The following TFPI variants were observed in gnomAD, a reference collection of about 807,000 sequenced individuals.
TFPI encodes tissue factor pathway inhibitor.
TFPI carries 15 observed loss-of-function variants against 34.6 expected under a neutral mutation model. The ratio of observed to expected loss-of-function variants is 0.43; its 90% confidence interval spans 0.29 to 0.67. The LOEUF (loss-of-function observed/expected upper bound fraction) is 0.67. Ranked by LOEUF, TFPI falls within the 30% of genes least tolerant of loss-of-function variation. TFPI has a pLI of 0.15. For synonymous variants in TFPI, 105 were observed against 120.1 expected, an observed-to-expected ratio of 0.87 and a Z score of 0.82; for missense variants, 301 against 364.0, an observed-to-expected ratio of 0.83 and a Z score of 1.41.
intron 1 of TFPI, chr2:187,519,216 G>A (rs546021777): frequency 3.3e-5 from 5 of 152,148 alleles, no homozygotes; most frequent in South Asian, 2.1e-4. Context: ...TGGAGGAGAA[G>A]TGTTCTGGTT....
At chr2:187,522,709 C>T (rs1687452883) in intron 1 of TFPI, among the ~76,000 whole-genome samples, 1 of 144,084 alleles carries the variant, frequency 6.9e-6, no homozygotes. Flanking sequence ...TGGTGAAACC[C>T]CGTCTCTACT....
chr2:187,538,964 T>TA (rs1247189721), intron 1 of TFPI, among the ~76,000 whole-genome samples: 7 of 152,170 alleles, frequency 4.6e-5, no homozygotes, highest in Non-Finnish European at 8.8e-5. Context: ...GGGTCTAATA[T>TA]TTAAACATTT....
intron 6 of TFPI, 99 bp from the exon 7 acceptor site, chr2:187,468,031 T>C: frequency 1.0e-6 from 1 of 1,004,002 alleles, no homozygotes; most frequent in Non-Finnish European, 1.4e-6. Context: ...TGCATGTGTA[T>C]GTAAAACAGT....
chr2:187,533,638 A>C (rs1688092471), intron 1 of TFPI, among the ~76,000 whole-genome samples: 2 of 152,236 alleles, frequency 1.3e-5, no homozygotes. Context: ...TGGAAATTCC[A>C]AAAACCAGAA....
At chr2:187,467,270 A>C (rs754479570) in intron 7 of TFPI, among the ~76,000 whole-genome samples, 45 of 152,104 alleles carry the variant, frequency 3.0e-4, no homozygotes, top group Non-Finnish European at 4.1e-4. Context: ...TTTTATTATT[A>C]GTTCCTCTTC....
rs1037757771 is a variant in TFPI, at chr2:187,503,915, A to G, written c.-2-145T>C. 4.3e-5 allele frequency: 33 copies of G among 768,494 alleles called. No individual in the cohort carries two copies. In the African/African-American group the frequency reaches 5.6e-4, roughly 13 times the overall value. The allele number at this position is 768,494 out of a possible 1,614,324, so 47.6% of individuals were successfully genotyped here. A position where few individuals can be genotyped will look rare whatever the true frequency, so the allele number is the denominator to read the frequency against. On this transcript the variant is annotated intron_variant, in intron 1 of 7. Transcript: ENST00000233156. Reference sequence around the variant, plus strand: ...CACATACATTTCTCTGTGCATACTCAATGAGTCATACTTAAAATGTATATG... The same window carrying G: ...CACATACATTTCTCTGTGCATACTCGATGAGTCATACTTAAAATGTATATG...
chr2:187,494,933 G>A (rs1046260102), intron 3 of TFPI, among the ~76,000 whole-genome samples: 1 of 152,076 alleles, frequency 6.6e-6, no homozygotes, highest in Non-Finnish European at 1.5e-5. Flanking sequence ...ATATTGGTGA[G>A]GCTGGTCTAA....
intron 1 of TFPI, among the ~76,000 whole-genome samples, chr2:187,542,035 T>C (rs1381236861): frequency 6.6e-6 from 1 of 151,926 alleles, no homozygotes; most frequent in Non-Finnish European, 1.5e-5. Flanking sequence ...TGAGATGGGG[T>C]AGGAACAGGA....
intron 1 of TFPI, among the ~76,000 whole-genome samples, chr2:187,549,975 T>A (rs1689035692): frequency 6.6e-6 from 1 of 152,102 alleles, no homozygotes. Context: ...CCCACATTTG[T>A]ACATTTGTTC....
chr2:187,508,920 T>G (rs1686423908), intron 1 of TFPI, among the ~76,000 whole-genome samples: 1 of 152,168 alleles, frequency 6.6e-6, no homozygotes, highest in South Asian at 2.1e-4. Flanking sequence ...CCATATGATA[T>G]TGGCTGTGAG....
chr2:187,504,566 G>GAAAAAAAAA (rs71017396), intron 1 of TFPI, among the ~76,000 whole-genome samples: 2 of 123,902 alleles, frequency 1.6e-5, no homozygotes, highest in Non-Finnish European at 3.4e-5. Flanking sequence ...CGCCAAAAAG[G>GAAAAAAAAA]AAAAAAAAAA....
intron 1 of TFPI, chr2:187,544,607 C>T (rs1688757503): frequency 6.6e-6 from 1 of 150,854 alleles, no homozygotes. Flanking sequence ...TGCCACTGCG[C>T]TCCAGCCTGG....
chr2:187,513,391 G>T (rs910765319), intron 1 of TFPI, among the ~76,000 whole-genome samples: 1 of 152,138 alleles, frequency 6.6e-6, no homozygotes, highest in Non-Finnish European at 1.5e-5. Context: ...TGAAAACTAA[G>T]TTTAACATTA....
chr2:187,532,964 G>A (rs1688049026), intron 1 of TFPI, among the ~76,000 whole-genome samples: 1 of 151,630 alleles, frequency 6.6e-6, no homozygotes, highest in Non-Finnish European at 1.5e-5. Context: ...AAGCCCCAGG[G>A]AAGTTCCAGC....
At chr2:187,516,010 A>C (rs2106184964) in intron 1 of TFPI, 1 of 152,322 alleles carries the variant, frequency 6.6e-6, no homozygotes. Context: ...CCTGCCACTT[A>C]GGCACAAGAC....
At chr2:187,535,568 G>A (rs1446950781) in intron 1 of TFPI, among the ~76,000 whole-genome samples, 3 of 152,144 alleles carry the variant, frequency 2.0e-5, no homozygotes, top group Non-Finnish European at 2.9e-5. Context: ...CAAAATTTCT[G>A]GGACACAGCT....
At chr2:187,467,577 A>G (rs1419778492) in intron 7 of TFPI, among the ~76,000 whole-genome samples, 176 bp downstream of exon 7, 5 of 152,150 alleles carry the variant, frequency 3.3e-5, no homozygotes, top group Admixed American at 3.3e-4. Flanking sequence ...ACATTAAAAG[A>G]AATTACAGTT....
intron 6 of TFPI, among the ~76,000 whole-genome samples, chr2:187,482,235 C>T (rs1692919316): frequency 6.6e-6 from 1 of 152,032 alleles, no homozygotes; most frequent in South Asian, 2.1e-4. Flanking sequence ...TGATTTCATA[C>T]ATTTCTTGTA....
chr2:187,467,529 T>C (rs1295294413), intron 7 of TFPI, among the ~76,000 whole-genome samples: 4 of 152,146 alleles, frequency 2.6e-5, no homozygotes, highest in Admixed American at 2.6e-4. Context: ...AAGAATAACA[T>C]GTTTAATTTG....
Sources: allele counts gnomAD v4.1 joint callset (sites outside exome capture counted in the v4.1 genomes callset), GRCh38; gene constraint gnomAD v4.1.1; transcripts MANE v1.5; gene names NCBI Gene and HGNC (gene_info 2026-07-23, HGNC 2026-07-21).